PPP6R3: variants seen among roughly 807,000 people sequenced by gnomAD.
The protein encoded by PPP6R3 is serine/threonine-protein phosphatase 6 regulatory subunit 3.
PPP6R3 carries 38 observed loss-of-function variants against 110.7 expected under a neutral mutation model. The observed-to-expected ratio is 0.34, with a 90% CI of 0.26 to 0.45. The LOEUF (loss-of-function observed/expected upper bound fraction) is 0.45. PPP6R3 is among the 20% of genes least tolerant of loss of function. The pLI is 1.00. For missense variants in PPP6R3, 870 were observed against 1,062.4 expected (o/e 0.82, Z 2.52); for synonymous variants, 369 against 373.5 (o/e 0.99, Z 0.14).
chr11:68,509,744 A>ATTT (rs59022544), intron 1 of PPP6R3, among the ~76,000 whole-genome samples: 24,173 of 101,804 alleles, frequency 0.24, 3,489 homozygotes, highest in Middle Eastern at 0.34. Flanking sequence ...CATGTGGCTA[A>ATTT]TTTTTTTTTT....
intron 7 of PPP6R3, 61 bp downstream of exon 7, chr11:68,554,318 T>G (rs2099391529): frequency 1.6e-6 from 2 of 1,266,104 alleles, no homozygotes; most frequent in East Asian, 4.8e-5. Context: ...TGTGTTACCA[T>G]TGTGAGTGAT....
At chr11:68,491,617 C>T (rs778390526) in intron 1 of PPP6R3, among the ~76,000 whole-genome samples, 4 of 151,896 alleles carry the variant, frequency 2.6e-5, no homozygotes, top group South Asian at 2.1e-4. Flanking sequence ...CCTAAAGTGT[C>T]GGGATTATAG....
In PPP6R3 at chr11:68,559,967, C is replaced by T. The variant is rs1375483662; in HGVS notation, c.845+1288C>T. ...GTACGGTGCCCTCTTCCCACCCCAG[C>T]GGTACGGTGCCCTCTTCCCACCCCA... On this transcript the variant is annotated intron_variant, in intron 8 of 23. Coordinates refer to ENST00000393800, the MANE Select transcript of PPP6R3 (RefSeq NM_001164161.2). Among the ~76,000 whole-genome samples, 13 of 141,294 alleles carry T rather than the reference C, an allele frequency of 9.2e-5. 1 individual carries two copies. The East Asian group carries it at 2.8e-3, about 30-fold the overall frequency. 92.7% of individuals were successfully genotyped at this position (141,294 alleles called of 152,430 possible). A position where few individuals can be genotyped will look rare whatever the true frequency, so the allele number is the denominator to read the frequency against.
At chr11:68,494,408 C>CAAA (rs35190764) in intron 1 of PPP6R3, among the ~76,000 whole-genome samples, 34 of 60,346 alleles carry the variant, frequency 5.6e-4, no homozygotes, top group African/African-American at 7.9e-4. Flanking sequence ...CCTGTAATCT[C>CAAA]AAAAAAAAAA....
Position 68,601,953 on chromosome 11 carries a change from G to A in PPP6R3, c.2283G>A (p.Leu761=), listed in dbSNP as rs759943124. 7 of 1,612,758 alleles carry A rather than the reference G, an allele frequency of 4.3e-6. No homozygotes were observed. The African/African-American group carries it at 6.7e-5, about 15-fold the overall frequency. Residue 761 remains leucine, a synonymous_variant, in exon 21 of 24, where the codon CTG becomes CTA. Transcript: ENST00000393800. ...MDPLTPSAAA[L]AVQPEAAGSV... is the part of the protein sequence containing the mutation. ...CTCTGACTCCCAGTGCGGCTGCCCT[G>A]GCAGTGCAGCCAGAAGGTGCGTGCA...
intron 14 of PPP6R3, among the ~76,000 whole-genome samples, chr11:68,576,438 A>G (rs1216094268): frequency 6.6e-6 from 1 of 152,198 alleles, no homozygotes; most frequent in East Asian, 1.9e-4. Flanking sequence ...TTTTTCTGAT[A>G]TTATTGAGTT....
At chr11:68,505,997 T>C (rs2099074049) in intron 1 of PPP6R3, among the ~76,000 whole-genome samples, 1 of 152,060 alleles carries the variant, frequency 6.6e-6, no homozygotes, top group African/African-American at 2.4e-5. Context: ...TTTATCCTTT[T>C]TTTCTTTATT....
chr11:68,491,371 TG>T (rs2098982999), intron 1 of PPP6R3, among the ~76,000 whole-genome samples: 1 of 145,052 alleles, frequency 6.9e-6, no homozygotes, highest in African/African-American at 2.7e-5. Context: ...TGTGTGTGTG[TG>T]TGTGTGTTTG....
At chr11:68,509,035 T>TA (rs1447657389) in intron 1 of PPP6R3, among the ~76,000 whole-genome samples, 1 of 152,264 alleles carries the variant, frequency 6.6e-6, no homozygotes, top group Non-Finnish European at 1.5e-5. Context: ...TATTGATGAT[T>TA]AAAACCATAG....
intron 21 of PPP6R3, 92 bp from the exon 22 acceptor site, chr11:68,603,250 A>G: frequency 6.7e-7 from 1 of 1,487,930 alleles, no homozygotes; most frequent in Non-Finnish European, 9.1e-7. Context: ...CAAGCAGTAG[A>G]TGTCACGTTG....
At position 68,540,294 on chromosome 11, in the gene PPP6R3, G is replaced by C. The variant is rs146625839; in HGVS notation, c.227+2403G>C. Among the ~76,000 whole-genome samples, 1,072 of 152,266 alleles carry C rather than the reference G, an allele frequency of 7.0e-3. 3 individuals are homozygous for C. Among genetic ancestry groups the C allele is most frequent in the Middle Eastern group, 0.014 (4 of 294 alleles). ...AGAGTTCAGAAGAGAGATTTTAAAA[G>C]CTGGGCGTCCGGGGGAGACATCACA... On this transcript the variant is annotated intron_variant, in intron 3 of 23. Transcript: ENST00000393800.
intron 6 of PPP6R3, among the ~76,000 whole-genome samples, chr11:68,553,626 T>A (rs2099389317): frequency 6.6e-6 from 1 of 152,116 alleles, no homozygotes; most frequent in African/African-American, 2.4e-5. Flanking sequence ...AAAAAAAGTA[T>A]GTGCATCCTT....
At chr11:68,567,301 G>T in intron 10 of PPP6R3, 135 bp downstream of exon 10, 1 of 983,900 alleles carries the variant, frequency 1.0e-6, no homozygotes. Flanking sequence ...GTTTTATGTA[G>T]TTTTTGCCTT....
At chr11:68,510,186 A>C (rs1045614208) in intron 1 of PPP6R3, among the ~76,000 whole-genome samples, 9 of 150,398 alleles carry the variant, frequency 6.0e-5, no homozygotes, top group African/African-American at 2.0e-4. Context: ...GATTACAGGC[A>C]TGAGCCCCTA....
chr11:68,461,286 G>A (rs2098704413), intron 1 of PPP6R3, among the ~76,000 whole-genome samples: 1 of 152,048 alleles, frequency 6.6e-6, no homozygotes, highest in African/African-American at 2.4e-5. Flanking sequence ...GCAGCAACTC[G>A]CCGTCAAGAG....
chr11:68,472,194 G>T (rs2098796882), intron 1 of PPP6R3, among the ~76,000 whole-genome samples: 1 of 152,168 alleles, frequency 6.6e-6, no homozygotes, highest in African/African-American at 2.4e-5. Context: ...GAGAGGCCAG[G>T]AAGTGATGAT....
intron 3 of PPP6R3, among the ~76,000 whole-genome samples, chr11:68,539,045 G>T (rs76805560): frequency 6.6e-6 from 1 of 152,200 alleles, no homozygotes; most frequent in African/African-American, 2.4e-5. Context: ...ACTTGAGCCC[G>T]GGAGGCCGTG....
intron 22 of PPP6R3, among the ~76,000 whole-genome samples, chr11:68,603,910 G>T (rs544601190): frequency 9.2e-5 from 14 of 152,288 alleles, no homozygotes; most frequent in African/African-American, 3.4e-4. Flanking sequence ...TGAAAATTCA[G>T]TAGCAAAATG....
chr11:68,481,285 A>C (rs1052908743), intron 1 of PPP6R3, among the ~76,000 whole-genome samples: 7 of 152,190 alleles, frequency 4.6e-5, no homozygotes, highest in Non-Finnish European at 1.0e-4. Flanking sequence ...TCTGGTGGCA[A>C]ATCCTGTCAG....
Sources: allele counts gnomAD v4.1 joint callset (sites outside exome capture counted in the v4.1 genomes callset), GRCh38; gene constraint gnomAD v4.1.1; transcripts MANE v1.5; gene names NCBI Gene and HGNC (gene_info 2026-07-23, HGNC 2026-07-21).